The following SYCP1 variants were observed in gnomAD, a reference collection of about 807,000 sequenced individuals.
The protein encoded by SYCP1 is cancer/testis antigen 8.
SYCP1 carries 64 observed loss-of-function variants against 153.1 expected under a neutral mutation model. The observed-to-expected ratio is 0.42, with a 90% confidence interval of 0.34 to 0.51. The LOEUF (loss-of-function observed/expected upper bound fraction) is 0.51. SYCP1 is among the 20% of genes least tolerant of loss of function. The pLI is 0.06. For synonymous variants in SYCP1, 384 were observed against 341.8 expected (o/e 1.12, Z -1.36); for missense variants, 997 against 1,049.0 (o/e 0.95, Z 0.68).
intron 20 of SYCP1, among the ~76,000 whole-genome samples, chr1:114,916,735 C>T (rs1185463559): frequency 2.0e-5 from 3 of 151,196 alleles, no homozygotes; most frequent in Admixed American, 6.6e-5. Context: ...TTTCCCTAAC[C>T]TGTTGTTTTC....
intron 11 of SYCP1, among the ~76,000 whole-genome samples, chr1:114,877,519 T>C (rs900968266): frequency 6.6e-6 from 1 of 152,200 alleles, no homozygotes; most frequent in Non-Finnish European, 1.5e-5. Context: ...ATTTAAAAAA[T>C]TAATTCACAG....
At chr1:114,878,593 G>T (rs1665698843) in intron 12 of SYCP1, among the ~76,000 whole-genome samples, 1 of 152,086 alleles carries the variant, frequency 6.6e-6, no homozygotes. Context: ...ACCCAGGCTG[G>T]AGTGCAGTGG....
chr1:114,981,442 G>T lies in SYCP1; in HGVS notation c.2489G>T (p.Gly830Val). The change falls in exon 29 of 32, where the codon GGC becomes GTC. Residue 830 changes from glycine (G) to valine (V), a missense_variant. Gly to Val is a moderately radical substitution (Grantham distance 109). This residue lies in a region of SYCP1 where 712 missense variants were observed against 682.9 expected (regional missense o/e 1.04). Transcript: ENST00000369522. ...VSRNFTSVDH[G>V]ISKDKRDYLW... The stretch of plus-strand genomic sequence containing the variant: ...CGAAATTTCACATCAGTTGATCATG[G>T]CATATCCAAAGATAAAAGAGACTAT... The T allele has an allele frequency of 6.2e-7, 1 of 1,609,938 alleles. No individual in the cohort carries two copies. The highest frequency in any genetic ancestry group is 8.5e-7 in the Non-Finnish European group (1 of 1,178,418).
At chr1:114,870,833 G>A (rs1665062812) in intron 8 of SYCP1, among the ~76,000 whole-genome samples, 2 of 152,038 alleles carry the variant, frequency 1.3e-5, no homozygotes, top group African/African-American at 4.8e-5. Context: ...CTCTTAGTTG[G>A]TCATTTAGAC....
intron 27 of SYCP1, among the ~76,000 whole-genome samples, chr1:114,975,617 C>T (rs891271374): frequency 2.0e-5 from 3 of 151,366 alleles, no homozygotes; most frequent in African/African-American, 7.3e-5. Flanking sequence ...AACTTTTTTC[C>T]AAGTTCTCAG....
At chr1:114,963,054 GT>G (rs1490346877) in intron 27 of SYCP1, among the ~76,000 whole-genome samples, 1 of 152,130 alleles carries the variant, frequency 6.6e-6, no homozygotes, top group Admixed American at 6.5e-5. Context: ...AATCCAATAG[GT>G]TTTCCTTTAT....
intron 23 of SYCP1, among the ~76,000 whole-genome samples, chr1:114,942,700 T>C (rs749942235): frequency 6.6e-6 from 1 of 151,878 alleles, no homozygotes; most frequent in East Asian, 1.9e-4. Flanking sequence ...TATAAATAAA[T>C]GTGAAGGGCA....
intron 8 of SYCP1, among the ~76,000 whole-genome samples, chr1:114,864,243 G>A (rs1244383031): frequency 1.3e-5 from 2 of 152,116 alleles, no homozygotes; most frequent in Admixed American, 1.3e-4. Flanking sequence ...TTTGGGACAG[G>A]GTGATTGGGA....
intron 29 of SYCP1, among the ~76,000 whole-genome samples, chr1:114,983,236 A>G (rs377217536): frequency 2.1e-4 from 32 of 152,078 alleles, no homozygotes; most frequent in African/African-American, 7.5e-4. Context: ...GTGGCCTTCT[A>G]TATTTCCAGG....
At chr1:114,868,588 C>CT (rs1350815951) in intron 8 of SYCP1, among the ~76,000 whole-genome samples, 3 of 152,178 alleles carry the variant, frequency 2.0e-5, no homozygotes, top group Non-Finnish European at 4.4e-5. Context: ...AAAATATTCC[C>CT]TCTGCTTCTA....
intron 16 of SYCP1, among the ~76,000 whole-genome samples, chr1:114,905,492 T>G (rs751581248): frequency 3.3e-5 from 5 of 152,182 alleles, no homozygotes; most frequent in Admixed American, 2.6e-4. Flanking sequence ...AGTACCTTCT[T>G]GTACACAAGG....
intron 13 of SYCP1, 127 bp from the exon 14 acceptor site, chr1:114,885,998 G>A (rs992080022): frequency 3.7e-5 from 22 of 591,312 alleles, no homozygotes; most frequent in Non-Finnish European, 5.3e-5. Context: ...TCCAGGGTAG[G>A]AAGGAGGAAT....
chr1:114,920,735 CT>C (rs1354101848), intron 20 of SYCP1, among the ~76,000 whole-genome samples: 2 of 152,100 alleles, frequency 1.3e-5, no homozygotes, highest in Non-Finnish European at 2.9e-5. Context: ...TAATGACCTT[CT>C]TTGTCTCTTT....
At chr1:114,980,465 A>G (rs1483302783) in intron 28 of SYCP1, among the ~76,000 whole-genome samples, 2 of 151,890 alleles carry the variant, frequency 1.3e-5, no homozygotes, top group Non-Finnish European at 2.9e-5. Flanking sequence ...GCAAATAGCC[A>G]TTTTCTCAGT....
At chr1:114,979,935 C>G (rs979420884) in intron 28 of SYCP1, among the ~76,000 whole-genome samples, 2 of 151,726 alleles carry the variant, frequency 1.3e-5, no homozygotes, top group African/African-American at 4.8e-5. Flanking sequence ...CCTCTTTATC[C>G]TATACTCTAA....
intron 9 of SYCP1, among the ~76,000 whole-genome samples, chr1:114,875,167 A>G (rs1212533108): frequency 7.4e-6 from 1 of 135,768 alleles, no homozygotes; most frequent in East Asian, 2.1e-4. Flanking sequence ...CATGGCATGT[A>G]TTTGATATGT....
At position 114,855,430 on chromosome 1, in the gene SYCP1, C is replaced by T. The variant is rs200423379; in HGVS notation, c.-24-11C>T. On this transcript the variant is annotated splice_polypyrimidine_tract_variant and intron_variant, in intron 1 of 31. Coordinates refer to ENST00000369522, the MANE Select transcript of SYCP1 (RefSeq NM_003176.4). ...AACTTTCCTTCCCCTCCCGCCCCCC[C>T]GGGGCAGTAGATATTTACAACCGTA... 7.1e-6 allele frequency: 10 copies of T among 1,417,726 alleles called. No individual in the cohort carries two copies. The South Asian group carries it at 1.1e-4, about 15-fold the overall frequency. 87.8% of individuals were successfully genotyped at this position (1,417,726 alleles called of 1,614,324 possible).
chr1:114,933,314 A>G (rs549159197), intron 23 of SYCP1, among the ~76,000 whole-genome samples: 33 of 152,312 alleles, frequency 2.2e-4, no homozygotes, highest in African/African-American at 7.0e-4. Flanking sequence ...GCAAACTCCA[A>G]CAGACCTGCA....
At chr1:114,903,396 C>G (rs1667602341) in intron 16 of SYCP1, among the ~76,000 whole-genome samples, 1 of 152,076 alleles carries the variant, frequency 6.6e-6, no homozygotes, top group Non-Finnish European at 1.5e-5. Flanking sequence ...AGGACTTGAA[C>G]TAGTTAGGTT....
Sources: gnomAD v4.1 joint callset for allele counts (sites outside exome capture counted in the v4.1 genomes callset) on GRCh38, gnomAD v4.1.1 for gene constraint, gnomAD v4.1.1 regional missense constraint, MANE v1.5 for transcripts, NCBI Gene and HGNC (gene_info 2026-07-23, HGNC 2026-07-21) for gene names.